Variants in ADGRL4 observed in about 807,000 individuals in gnomAD.
The protein encoded by ADGRL4 is adhesion G protein-coupled receptor L4.
ADGRL4 carries 90 observed loss-of-function variants against 74.8 expected under a neutral mutation model. The observed-to-expected ratio is 1.20, with a 90% CI of 1.02 to 1.43. ADGRL4 has a LOEUF of 1.43. ADGRL4 is among the 40% of genes most tolerant of loss of function. The pLI is 0.00. For missense variants in ADGRL4, 881 were observed against 814.3 expected (o/e 1.08, Z -1.00); for synonymous variants, 311 against 279.2 (o/e 1.11, Z -1.14).
chr1:78,927,223 A>G, intron 7 of ADGRL4, 132 bp from the exon 8 acceptor site: 1 of 634,140 alleles, frequency 1.6e-6, no homozygotes, highest in Admixed American at 2.9e-5. Context: ...AGATACTGAA[A>G]TATAGACCAC....
rs139263110 is a variant in ADGRL4, at chr1:78,912,757, T to C, written c.1749+4877A>G. On this transcript the variant is annotated intron_variant, in intron 12 of 14. Coordinates refer to ENST00000370742, the MANE Select transcript of ADGRL4 (RefSeq NM_022159.4). ...GGCTATACCAGGCCAGGGTAAGTCA[T>C]GCACCCCTACACTTTAAAAAAAATT... 1.1e-4 allele frequency among the ~76,000 whole-genome samples: 17 copies of C among 151,760 alleles called. No individual in the cohort carries two copies. In the East Asian group the frequency reaches 2.9e-3, roughly 26 times the overall value.
intron 12 of ADGRL4, among the ~76,000 whole-genome samples, chr1:78,905,821 G>A (rs1046114716): frequency 6.6e-6 from 1 of 151,926 alleles, no homozygotes; most frequent in Non-Finnish European, 1.5e-5. Flanking sequence ...CCTTCATAAA[G>A]GAGCATTTAG....
Position 78,936,313 on chromosome 1 carries a change from CT to C in ADGRL4, c.858del (p.Ala287LeufsTer31), listed in dbSNP as rs1649351139. On this transcript the variant is annotated frameshift_variant, in exon 7 of 15. Coordinates refer to ENST00000370742, the MANE Select transcript of ADGRL4 (RefSeq NM_022159.4). LOFTEE classifies it high-confidence loss of function. ...GDYINIFPKRKAAYDSNGNVA... is the reference protein window; with the variant it reads ...GDYINIFPKRXAAYDSNGNVA... Reference sequence around the variant, plus strand: ...GTCCTACCATTTGAATCATATGCAGCTTTTCTCTTTGGAAATATATTTATGT... The same window carrying C: ...GTCCTACCATTTGAATCATATGCAGCTTTCTCTTTGGAAATATATTTATGT... The C allele has an allele frequency of 6.3e-7, 1 of 1,593,710 alleles. No homozygotes were observed. The highest frequency in any genetic ancestry group is 1.8e-5 in the Admixed American group (1 of 55,704).
At chr1:78,920,160 T>C (rs762233694) in intron 10 of ADGRL4, 23 bp downstream of exon 10, 3 of 1,567,708 alleles carry the variant, frequency 1.9e-6, no homozygotes, top group Non-Finnish European at 1.7e-6. Context: ...AGGACAAAAA[T>C]AGAGATTAGG....
Position 78,910,000 on chromosome 1 carries a change from T to C in ADGRL4, c.1749+7634A>G, listed in dbSNP as rs1222877806. 3.9e-5 allele frequency among the ~76,000 whole-genome samples: 6 copies of C among 152,000 alleles called. No individual in the cohort carries two copies. The East Asian group carries it at 5.8e-4, about 15-fold the overall frequency. ...CTAACAAGGAAAAATGAATATGATA[T>C]ATTACAGATAATAGACAATTCAGGT... is the stretch of plus-strand genomic sequence containing the variant. On this transcript the variant is annotated intron_variant, in intron 12 of 14. Transcript: ENST00000370742.
intron 2 of ADGRL4, among the ~76,000 whole-genome samples, chr1:78,956,072 T>C (rs1649822383): frequency 6.6e-6 from 1 of 152,200 alleles, no homozygotes; most frequent in Admixed American, 6.6e-5. Context: ...ACTCCTTCCA[T>C]AATTTGTGAT....
At chr1:78,984,735 T>C (rs1228857849) in intron 2 of ADGRL4, among the ~76,000 whole-genome samples, 1 of 151,718 alleles carries the variant, frequency 6.6e-6, no homozygotes, top group African/African-American at 2.4e-5. Flanking sequence ...TAGTTAATAA[T>C]TGCATTTAAA....
intron 12 of ADGRL4, among the ~76,000 whole-genome samples, chr1:78,894,259 A>T (rs2100649311): frequency 6.6e-6 from 1 of 152,012 alleles, no homozygotes; most frequent in Admixed American, 6.6e-5. Flanking sequence ...TATTACAAAC[A>T]GCAGTATAAA....
At chr1:78,926,447 T>C (rs1649116253) in intron 8 of ADGRL4, among the ~76,000 whole-genome samples, 1 of 151,988 alleles carries the variant, frequency 6.6e-6, no homozygotes, top group African/African-American at 2.4e-5. Context: ...TTATGAAACA[T>C]TGCAAATGTT....
rs754608383 is a variant in ADGRL4, at chr1:78,917,925, C to T, written c.1587G>A (p.Leu529=). ...VVGVIYNKGF[L]HKNFYIFGYL... ...AGCCAAAGATATAAAAATTCTTGTG[C>T]AAAAATCCCTTGTTGTAGATGACAC... Residue 529 remains leucine (L), a synonymous_variant, in exon 11 of 15, where the codon TTG becomes TTA. Transcript: ENST00000370742. 20 of 1,612,426 alleles carry T rather than the reference C, an allele frequency of 1.2e-5. 1 individual carries two copies. In the South Asian group the frequency reaches 2.0e-4, roughly 16 times the overall value.
chr1:78,960,438 A>G (rs1044499361), intron 2 of ADGRL4, among the ~76,000 whole-genome samples: 1 of 152,168 alleles, frequency 6.6e-6, no homozygotes, highest in East Asian at 1.9e-4. Flanking sequence ...GTGGATCTTG[A>G]AACAATAATT....
intron 8 of ADGRL4, among the ~76,000 whole-genome samples, chr1:78,923,871 A>G (rs1167005422): frequency 6.6e-6 from 1 of 151,974 alleles, no homozygotes; most frequent in Non-Finnish European, 1.5e-5. Context: ...TAAGAGGAAC[A>G]GAAAAAGAGA....
intron 12 of ADGRL4, among the ~76,000 whole-genome samples, chr1:78,913,657 A>G (rs1342618807): frequency 4.0e-5 from 6 of 151,838 alleles, no homozygotes; most frequent in African/African-American, 1.4e-4. Context: ...AAGATCAGGT[A>G]AAATCACTAA....
chr1:78,908,688 T>TAA (rs1260156638), intron 12 of ADGRL4, among the ~76,000 whole-genome samples: 3 of 151,982 alleles, frequency 2.0e-5, no homozygotes, highest in Non-Finnish European at 4.4e-5. Flanking sequence ...TTTCATCATA[T>TAA]CATTATGTAA....
At chr1:78,911,575 C>T (rs948604430) in intron 12 of ADGRL4, among the ~76,000 whole-genome samples, 1 of 148,794 alleles carries the variant, frequency 6.7e-6, no homozygotes, top group African/African-American at 2.5e-5. Context: ...TAATTAAATA[C>T]TGCTACTTAT....
chr1:78,934,030 A>T (rs1416740964), intron 7 of ADGRL4, among the ~76,000 whole-genome samples: 1 of 151,330 alleles, frequency 6.6e-6, no homozygotes, highest in East Asian at 1.9e-4. Context: ...GATTCATGCT[A>T]TTCAAACTAC....
chr1:78,974,229 C>T (rs1650234324), intron 2 of ADGRL4, among the ~76,000 whole-genome samples: 1 of 152,090 alleles, frequency 6.6e-6, no homozygotes, highest in Admixed American at 6.6e-5. Flanking sequence ...TAATTGCCTA[C>T]AAAGATGGGA....
intron 2 of ADGRL4, among the ~76,000 whole-genome samples, chr1:78,989,761 G>C (rs1282788744): frequency 2.0e-5 from 3 of 151,942 alleles, no homozygotes; most frequent in Non-Finnish European, 4.4e-5. Flanking sequence ...GTGATTGACA[G>C]ATTTACAATG....
intron 2 of ADGRL4, among the ~76,000 whole-genome samples, chr1:78,985,649 T>C (rs1270049156): frequency 6.6e-6 from 1 of 151,784 alleles, no homozygotes; most frequent in Non-Finnish European, 1.5e-5. Context: ...AACAACTTCC[T>C]CTTAAATGTC....
Sources: allele counts gnomAD v4.1 joint callset (sites outside exome capture counted in the v4.1 genomes callset), GRCh38; gene constraint gnomAD v4.1.1; transcripts MANE v1.5; gene names NCBI Gene and HGNC (gene_info 2026-07-23, HGNC 2026-07-21).